The following AGBL1 variants were observed in gnomAD, a reference collection of about 807,000 sequenced individuals.
AGBL1 encodes cytosolic carboxypeptidase 4.
AGBL1 carries 130 observed loss-of-function variants against 118.9 expected under a neutral mutation model. That is an observed-to-expected ratio of 1.09 (90% CI 0.95 to 1.26). The LOEUF is 1.26. Among genes scored for constraint, AGBL1 ranks in the 50% most tolerant of loss-of-function variants. The pLI, the probability that AGBL1 is intolerant of heterozygous loss-of-function variation, is 0.00. For synonymous variants in AGBL1, 555 were observed against 478.9 expected (o/e 1.16, Z -2.08); for missense variants, 1,584 against 1,298.1 (o/e 1.22, Z -3.38).
rs1162455444 is a variant in AGBL1 at position 86,693,550 on chromosome 15, GCT to G, written c.3158+19119_3158+19120del. Among the ~76,000 whole-genome samples the G allele has an allele frequency of 2.0e-5, 3 of 152,034 alleles. No individual in the cohort carries two copies. The East Asian group carries it at 5.8e-4, about 29-fold the overall frequency. Reference sequence around the variant, plus strand: ...GTGAAGATATTCTCCCATTCTGTGTGCTCTCTGTTTACTCTGTTCCTTTTGCT... The same window carrying G: ...GTGAAGATATTCTCCCATTCTGTGTGCTCTGTTTACTCTGTTCCTTTTGCT... On this transcript the variant is annotated intron_variant, in intron 22 of 22. Transcript: ENST00000614907.
chr15:86,937,240 AT>A (rs1215215710), intron 23 of AGBL1, among the ~76,000 whole-genome samples: 2 of 152,352 alleles, frequency 1.3e-5, no homozygotes, highest in East Asian at 3.9e-4. Flanking sequence ...GGAAAGCAGT[AT>A]GGTGATTCCT....
chr15:86,244,320 C>T (rs567391215), intron 6 of AGBL1, among the ~76,000 whole-genome samples: 52 of 152,094 alleles, frequency 3.4e-4, no homozygotes, highest in Non-Finnish European at 7.1e-4. Flanking sequence ...TTTGCCCTGG[C>T]CCTGCAAAGC....
intron 5 of AGBL1, among the ~76,000 whole-genome samples, chr15:86,213,924 C>A (rs898722994): frequency 6.6e-6 from 1 of 152,168 alleles, no homozygotes; most frequent in Non-Finnish European, 1.5e-5. Flanking sequence ...TCCCACTCCC[C>A]TTCCCCTCAA....
intron 22 of AGBL1, among the ~76,000 whole-genome samples, chr15:86,737,123 C>T (rs1437857499): frequency 6.6e-6 from 1 of 152,084 alleles, no homozygotes; most frequent in East Asian, 1.9e-4. Context: ...AAGACAAAAA[C>T]ATACAGAATA....
chr15:86,213,300 A>G (rs2078131587), intron 5 of AGBL1, among the ~76,000 whole-genome samples: 1 of 152,222 alleles, frequency 6.6e-6, no homozygotes, highest in East Asian at 1.9e-4. Flanking sequence ...CCTGAAATAA[A>G]AATGGCTTAG....
At chr15:86,874,639 A>T (rs2079779988) in intron 22 of AGBL1, among the ~76,000 whole-genome samples, 1 of 152,164 alleles carries the variant, frequency 6.6e-6, no homozygotes, top group African/African-American at 2.4e-5. Context: ...CTCTATGTGG[A>T]GTAAGGCACA....
intron 22 of AGBL1, among the ~76,000 whole-genome samples, chr15:86,788,431 A>T (rs982347673): frequency 3.9e-5 from 6 of 152,216 alleles, no homozygotes; most frequent in Non-Finnish European, 8.8e-5. Context: ...TAATGAAGTC[A>T]CTGCAAGAAA....
chr15:86,328,455 T>G (rs1386143586), intron 17 of AGBL1, among the ~76,000 whole-genome samples: 1 of 152,212 alleles, frequency 6.6e-6, no homozygotes, highest in African/African-American at 2.4e-5. Context: ...GAAAACGGTT[T>G]TTAATTTTTT....
At chr15:86,097,467 A>G (rs1198609821) in intron 1 of AGBL1, among the ~76,000 whole-genome samples, 1 of 150,952 alleles carries the variant, frequency 6.6e-6, no homozygotes, top group East Asian at 1.9e-4. Context: ...CTTCCTCCAC[A>G]TTGACTGCCA....
intron 22 of AGBL1, among the ~76,000 whole-genome samples, chr15:86,677,298 A>T (rs181379027): frequency 1.3e-5 from 2 of 152,184 alleles, no homozygotes; most frequent in Non-Finnish European, 2.9e-5. Context: ...AAGTACATGC[A>T]TGCTTTGTTT....
downstream of AGBL1, among the ~76,000 whole-genome samples, chr15:86,916,325 A>T (rs1644027887): frequency 6.6e-6 from 1 of 151,780 alleles, no homozygotes; most frequent in Non-Finnish European, 1.5e-5. Context: ...GCTCACAGCA[A>T]TTTTTTTTTA....
intron 18 of AGBL1, among the ~76,000 whole-genome samples, chr15:86,413,892 A>G (rs1036669228): frequency 1.3e-5 from 2 of 152,096 alleles, no homozygotes; most frequent in Non-Finnish European, 2.9e-5. Flanking sequence ...CCCATTTACA[A>G]TTCACAGTAG....
At chr15:86,535,364 C>T (rs1277911574) in intron 19 of AGBL1, among the ~76,000 whole-genome samples, 2 of 152,328 alleles carry the variant, frequency 1.3e-5, no homozygotes, top group East Asian at 1.9e-4. Context: ...CAGTCGGGGA[C>T]ATCCCTGGGA....
intron 23 of AGBL1, among the ~76,000 whole-genome samples, chr15:86,957,804 A>G (rs897823616): frequency 7.2e-5 from 11 of 152,164 alleles, no homozygotes; most frequent in African/African-American, 2.7e-4. Context: ...TGTTAATTCA[A>G]TTAAAATGTT....
intron 22 of AGBL1, among the ~76,000 whole-genome samples, chr15:86,677,034 A>G (rs1010178300): frequency 6.6e-6 from 1 of 152,100 alleles, no homozygotes; most frequent in African/African-American, 2.4e-5. Context: ...AACAACAAAA[A>G]AAATGCAAGG....
At chr15:86,123,441 T>C (rs146560848) in intron 1 of AGBL1, among the ~76,000 whole-genome samples, 2,316 of 152,272 alleles carry the variant, frequency 0.015, 67 homozygotes, top group African/African-American at 0.052. Context: ...GGTTTTACCA[T>C]GTTGGCCAGG....
chr15:86,128,961 CA>C (rs1567072670), intron 1 of AGBL1, among the ~76,000 whole-genome samples: 5 of 152,198 alleles, frequency 3.3e-5, no homozygotes, highest in Non-Finnish European at 5.9e-5. Flanking sequence ...ATTATATTAA[CA>C]CAGTGCTTCC....
chr15:86,282,383 T>G (rs1465402900), intron 16 of AGBL1, among the ~76,000 whole-genome samples: 2 of 152,204 alleles, frequency 1.3e-5, no homozygotes, highest in Admixed American at 6.5e-5. Flanking sequence ...TTATAACTAC[T>G]TACGACTTTT....
intron 21 of AGBL1, among the ~76,000 whole-genome samples, chr15:86,658,588 T>C (rs541954728): frequency 5.2e-4 from 79 of 152,318 alleles, no homozygotes; most frequent in African/African-American, 1.9e-3. Context: ...TCTTACAGCC[T>C]CCTGGACCTT....
Sources: gnomAD v4.1 joint callset for allele counts (sites outside exome capture counted in the v4.1 genomes callset) on GRCh38, gnomAD v4.1.1 for gene constraint, MANE v1.5 for transcripts, NCBI Gene and HGNC (gene_info 2026-07-23, HGNC 2026-07-21) for gene names.